Variants in DACH2 observed in about 807,000 individuals in gnomAD.
DACH2 encodes the protein dachshund homolog 2.
In DACH2, 17 loss-of-function variants were observed where a neutral mutation model predicts 35.8. The observed-to-expected ratio is 0.48, with a 90% CI of 0.33 to 0.71. The LOEUF (loss-of-function observed/expected upper bound fraction) is 0.71, where lower values mean the gene tolerates loss of function less well. DACH2 is among the 30% of genes least tolerant of loss of function. The probability of loss-of-function intolerance (pLI) is 0.02; values close to 1 mark genes in which losing one functional copy is unlikely to be tolerated. For missense variants in DACH2, 469 were observed against 472.7 expected, an observed-to-expected ratio of 0.99 and a Z score of 0.07; for synonymous variants, 195 against 177.3, an observed-to-expected ratio of 1.10 and a Z score of -0.79.
At chrX:86,314,122 T>C (rs1010098046) in intron 1 of DACH2, among the ~76,000 whole-genome samples, 2 of 110,156 alleles carry the variant, frequency 1.8e-5, no homozygotes, top group Non-Finnish European at 3.8e-5. Flanking sequence ...CCCTATTCCC[T>C]GAGGCACAAC....
At chrX:86,474,458 C>T (rs2037809639) in intron 2 of DACH2, among the ~76,000 whole-genome samples, 2 of 111,309 alleles carry the variant, frequency 1.8e-5, no homozygotes, top group South Asian at 7.4e-4. Flanking sequence ...GAAGAGTTTC[C>T]CCAATGTTTT....
chrX:86,791,876 G>A (rs775197381), intron 7 of DACH2, among the ~76,000 whole-genome samples: 2 of 111,687 alleles, frequency 1.8e-5, no homozygotes, highest in Non-Finnish European at 3.8e-5. Flanking sequence ...GTAAAGGTTT[G>A]TTACATAGAT....
At chrX:86,256,495 C>T (rs2033522502) in intron 1 of DACH2, among the ~76,000 whole-genome samples, 1 of 111,290 alleles carries the variant, frequency 9.0e-6, no homozygotes, top group Non-Finnish European at 1.9e-5. Flanking sequence ...TCCATAGGTC[C>T]CTCCTTTTTC....
intron 1 of DACH2, among the ~76,000 whole-genome samples, 169 bp from the exon 2 acceptor site, chrX:86,376,655 G>T (rs970153150): frequency 3.6e-5 from 4 of 110,641 alleles, no homozygotes; most frequent in Non-Finnish European, 7.6e-5. Flanking sequence ...CCTTCTATGT[G>T]CTCTTCCCTG....
chrX:86,167,472 G>T (rs923749119), intron 1 of DACH2, among the ~76,000 whole-genome samples: 3 of 109,986 alleles, frequency 2.7e-5, no homozygotes, highest in African/African-American at 6.6e-5. Context: ...TCTGGCTAAA[G>T]GTTTGTCAGT....
At chrX:86,258,469 A>G (rs2033566316) in intron 1 of DACH2, among the ~76,000 whole-genome samples, 1 of 111,926 alleles carries the variant, frequency 8.9e-6, no homozygotes, top group Non-Finnish European at 1.9e-5. Flanking sequence ...TTTGCCTCTC[A>G]TCTGCACGTG....
At chrX:86,183,018 T>A (rs982289010) in intron 1 of DACH2, among the ~76,000 whole-genome samples, 4 of 111,949 alleles carry the variant, frequency 3.6e-5, no homozygotes, top group African/African-American at 6.5e-5. Flanking sequence ...TTTTTGCACA[T>A]TGTGATTTTG....
chrX:86,705,885 T>A (rs750119832), intron 5 of DACH2, among the ~76,000 whole-genome samples: 3 of 112,077 alleles, frequency 2.7e-5, no homozygotes, highest in Non-Finnish European at 5.6e-5. Flanking sequence ...ACGTGTTATA[T>A]GTATACACCA....
chrX:86,340,533 A>G (rs190026355), intron 1 of DACH2, among the ~76,000 whole-genome samples: 12 of 111,010 alleles, frequency 1.1e-4, no homozygotes, highest in Non-Finnish European at 1.9e-4. Context: ...CAGCAGTATT[A>G]AAACTAGTCC....
intron 1 of DACH2, among the ~76,000 whole-genome samples, chrX:86,159,878 CT>C (rs2147862250): frequency 9.0e-6 from 1 of 111,249 alleles, no homozygotes; most frequent in East Asian, 2.8e-4. Flanking sequence ...GCATATTTAC[CT>C]GTCTAAATAT....
At chrX:86,159,452 G>A (rs1380568695) in intron 1 of DACH2, among the ~76,000 whole-genome samples, 3 of 111,539 alleles carry the variant, frequency 2.7e-5, no homozygotes, top group Non-Finnish European at 3.8e-5. Context: ...AGAAAAATCT[G>A]TGAGTTCCCT....
At chrX:86,296,934 A>G (rs2034475163) in intron 1 of DACH2, among the ~76,000 whole-genome samples, 1 of 109,195 alleles carries the variant, frequency 9.2e-6, no homozygotes, top group Non-Finnish European at 1.9e-5. Flanking sequence ...ACATATATAG[A>G]CACACATGTC....
intron 3 of DACH2, among the ~76,000 whole-genome samples, chrX:86,529,582 C>T (rs184981600): frequency 1.3e-3 from 141 of 109,574 alleles, no homozygotes; most frequent in African/African-American, 4.6e-3. Context: ...ACGCCATTCT[C>T]CTGCCTCAGC....
At chrX:86,796,411 C>T (rs2042239808) in intron 7 of DACH2, among the ~76,000 whole-genome samples, 1 of 111,708 alleles carries the variant, frequency 9.0e-6, no homozygotes, top group African/African-American at 3.3e-5. Flanking sequence ...CCCAGGAAGT[C>T]CAGCTGGCTT....
chrX:86,388,271 C>G, intron 2 of DACH2, among the ~76,000 whole-genome samples: 1 of 111,978 alleles, frequency 8.9e-6, no homozygotes, highest in East Asian at 2.8e-4. Flanking sequence ...AGGATTTTTA[C>G]TTTCTTTGGA....
intron 3 of DACH2, among the ~76,000 whole-genome samples, chrX:86,645,634 G>A (rs66961921): frequency 0.13 from 13,851 of 110,435 alleles, 751 homozygotes; most frequent in East Asian, 0.32. Flanking sequence ...ACAATGCTAG[G>A]GACATGGAAT....
At chrX:86,502,002 C>CT (rs1299894967) in intron 2 of DACH2, among the ~76,000 whole-genome samples, 10 of 93,196 alleles carry the variant, frequency 1.1e-4, no homozygotes, top group Non-Finnish European at 1.7e-4. Flanking sequence ...AATAATCCTT[C>CT]TTTCCTTCTT....
chrX:86,509,787 A>C (rs1340523347), intron 2 of DACH2, among the ~76,000 whole-genome samples: 1 of 112,279 alleles, frequency 8.9e-6, no homozygotes, highest in Non-Finnish European at 1.9e-5. Flanking sequence ...CAACGCCTTC[A>C]AAGCTAATGT....
intron 4 of DACH2, among the ~76,000 whole-genome samples, chrX:86,658,222 A>G (rs1029839916): frequency 1.8e-5 from 2 of 111,576 alleles, no homozygotes; most frequent in Non-Finnish European, 3.8e-5. Context: ...TAAGCGGGAC[A>G]CTGACCTAAA....
Sources: gnomAD v4.1 joint callset for allele counts (sites outside exome capture counted in the v4.1 genomes callset) on GRCh38, gnomAD v4.1.1 for gene constraint, MANE v1.5 for transcripts, NCBI Gene and HGNC (gene_info 2026-07-23, HGNC 2026-07-21) for gene names.